The following THNSL1 variants were observed in gnomAD, a reference collection of about 807,000 sequenced individuals.
THNSL1 encodes the protein threonine synthase like 1.
THNSL1 carries 48 observed loss-of-function variants against 50.4 expected under a neutral mutation model. The ratio of observed to expected loss-of-function variants is 0.95; its 90% CI spans 0.76 to 1.21. The LOEUF (loss-of-function observed/expected upper bound fraction) is 1.21, where lower values mean the gene tolerates loss of function less well. THNSL1 is among the 50% of genes most tolerant of loss of function. The probability of loss-of-function intolerance (pLI) is 0.00; values close to 1 mark genes in which losing one functional copy is unlikely to be tolerated. For synonymous variants in THNSL1, 309 were observed against 306.1 expected, an observed-to-expected ratio of 1.01 and a Z score of -0.10; for missense variants, 896 against 871.7, an observed-to-expected ratio of 1.03 and a Z score of -0.35.
chr10:24,997,064 C>A, the THNSL1 span, among the ~76,000 whole-genome samples: 1 of 152,132 alleles, frequency 6.6e-6, no homozygotes, highest in South Asian at 2.1e-4. Context: ...AAGAAACCAA[C>A]CCTGCTGCGT....
At chr10:24,996,860 A>C in the THNSL1 span, among the ~76,000 whole-genome samples, 11 of 152,332 alleles carry the variant, frequency 7.2e-5, no homozygotes, top group African/African-American at 2.6e-4. Context: ...CCAGTATCTC[A>C]GAATATAACT....
chr10:24,952,732 C>T, the THNSL1 span: 1 of 723,294 alleles, frequency 1.4e-6, no homozygotes, highest in Non-Finnish European at 2.2e-6. This position sits in a 1 kb window ranked among gnomAD's most constrained non-coding sequence, Gnocchi z 5.1. Flanking sequence ...CGGCGGGAAG[C>T]AGCGGCCTGA....
rs750652160 is a variant in THNSL1, at chr10:25,025,404, G to A, written c.2181G>A (p.Met727Ile). ...AGTACCAGGTCTGTGCAGCTGATAT[G>A]AATGTCTTGAAGAGTCATGTGGAAC... is the stretch of plus-strand genomic sequence containing the variant. ...KMEYQVCAAD[M>I]NVLKSHVEQL... is the part of the protein sequence containing the mutation. Residue 727 changes from methionine to isoleucine, a missense_variant, in exon 3 of 3, where the codon ATG (methionine) becomes ATA (isoleucine). Physicochemically the swap from Met to Ile is conservative, Grantham distance 10. Coordinates refer to ENST00000376356, the MANE Select transcript of THNSL1 (RefSeq NM_024838.5). 27 of 1,614,040 alleles carry A rather than the reference G, an allele frequency of 1.7e-5. 1 individual carries two copies. In the South Asian group the frequency reaches 2.9e-4, roughly 17 times the overall value.
chr10:24,975,543 G>A, the THNSL1 span, among the ~76,000 whole-genome samples: 10 of 152,252 alleles, frequency 6.6e-5, no homozygotes, highest in Non-Finnish European at 1.0e-4. Flanking sequence ...ATTAAATCAT[G>A]GGAATGCTTT....
At chr10:24,987,594 T>C in the THNSL1 span, among the ~76,000 whole-genome samples, 1 of 152,092 alleles carries the variant, frequency 6.6e-6, no homozygotes, top group Non-Finnish European at 1.5e-5. Flanking sequence ...CTCAAATAAA[T>C]ACATAAAATA....
At chr10:24,980,645 A>G in the THNSL1 span, among the ~76,000 whole-genome samples, 1 of 152,180 alleles carries the variant, frequency 6.6e-6, no homozygotes, top group East Asian at 1.9e-4. Flanking sequence ...GTCAGCTGAC[A>G]GGCTTTTGAT....
At chr10:24,997,815 A>AT in the THNSL1 span, among the ~76,000 whole-genome samples, 1 of 151,334 alleles carries the variant, frequency 6.6e-6, no homozygotes, top group African/African-American at 2.4e-5. Flanking sequence ...ATTTATATAT[A>AT]TATATATATA....
At position 25,024,805 on chromosome 10, in the gene THNSL1, C is replaced by G. The variant is rs139395919; in HGVS notation, c.1582C>G (p.Arg528Gly). The change falls in exon 3 of 3, where the codon CGA becomes GGA. Residue 528 changes from arginine (R) to glycine (G), a missense_variant. Transcript: ENST00000376356. The stretch of plus-strand genomic sequence containing the variant: ...TGCCAAAATGATGGGAATCCCGATT[C>G]GAAAATTTATCTGTGCCTCTAATCA... ...VYAKMMGIPI[R>G]KFICASNQNH... 5.6e-6 allele frequency: 9 copies of G among 1,613,956 alleles called. No individual in the cohort carries two copies. Among genetic ancestry groups the G allele is most frequent in the South Asian group, 2.2e-5 (2 of 91,070 alleles).
chr10:24,980,433 T>C, the THNSL1 span, among the ~76,000 whole-genome samples: 2 of 152,176 alleles, frequency 1.3e-5, no homozygotes, highest in Admixed American at 1.3e-4. Flanking sequence ...AGGATTCCCT[T>C]GGTATTCTCT....
the THNSL1 span, among the ~76,000 whole-genome samples, chr10:24,976,274 A>C: frequency 6.6e-6 from 1 of 152,124 alleles, no homozygotes; most frequent in Admixed American, 6.5e-5. Flanking sequence ...TGCAGCCTGC[A>C]ATCTAGAGTT....
chr10:24,952,839 G>A, the THNSL1 span, among the ~76,000 whole-genome samples: 1 of 151,654 alleles, frequency 6.6e-6, no homozygotes, highest in Non-Finnish European at 1.5e-5. This position sits in a 1 kb window ranked among gnomAD's most constrained non-coding sequence, Gnocchi z 5.1. Context: ...CCCTGAGCGC[G>A]GGCCCCGGAC....
At chr10:24,999,428 G>A in the THNSL1 span, 4 of 1,610,732 alleles carry the variant, frequency 2.5e-6, no homozygotes, top group Admixed American at 6.8e-5. Context: ...TCCTTTGAAT[G>A]TTTCTTTAGG....
At chr10:24,994,794 G>A in the THNSL1 span, among the ~76,000 whole-genome samples, 1 of 152,046 alleles carries the variant, frequency 6.6e-6, no homozygotes. Flanking sequence ...GGCTGAGGTG[G>A]GTGGATCACT....
chr10:24,969,502 G>A, the THNSL1 span, among the ~76,000 whole-genome samples: 1 of 152,270 alleles, frequency 6.6e-6, no homozygotes, highest in East Asian at 1.9e-4. Context: ...CTGTAGTTTG[G>A]TGTACTTATT....
At chr10:24,994,455 A>G in the THNSL1 span, among the ~76,000 whole-genome samples, 7 of 149,470 alleles carry the variant, frequency 4.7e-5, no homozygotes, top group African/African-American at 1.5e-4. Flanking sequence ...TGCCTTAGCC[A>G]CCCGAGTAGC....
At chr10:25,007,434 G>A in the THNSL1 span, among the ~76,000 whole-genome samples, 22 of 151,840 alleles carry the variant, frequency 1.4e-4, no homozygotes, top group South Asian at 4.2e-4. Flanking sequence ...TTATTTATTT[G>A]TTTGTTTGTT....
chr10:24,993,113 G>A, the THNSL1 span, among the ~76,000 whole-genome samples: 1 of 152,154 alleles, frequency 6.6e-6, no homozygotes, highest in South Asian at 2.1e-4. Flanking sequence ...GGGCAACATA[G>A]TGAGACTCCA....
chr10:24,994,850 CT>C, the THNSL1 span, among the ~76,000 whole-genome samples: 6 of 143,248 alleles, frequency 4.2e-5, no homozygotes, highest in Non-Finnish European at 9.0e-5. Flanking sequence ...GTGAAACCCC[CT>C]GTCTACTAAA....
chr10:24,952,682 G>A, the THNSL1 span: 4 of 888,648 alleles, frequency 4.5e-6, no homozygotes, highest in East Asian at 8.6e-5. This position sits in a 1 kb window ranked among gnomAD's most constrained non-coding sequence, Gnocchi z 5.1. Flanking sequence ...ACGGGGACGG[G>A]GACGGGGACG....
Sources: gnomAD v4.1 joint callset for allele counts (sites outside exome capture counted in the v4.1 genomes callset) on GRCh38, gnomAD v4.1.1 for gene constraint, Gnocchi (gnomAD v3.1) non-coding constraint, MANE v1.5 for transcripts, NCBI Gene and HGNC (gene_info 2026-07-23, HGNC 2026-07-21) for gene names.